Variants in ERAP1 observed in about 807,000 individuals in gnomAD.
ERAP1 encodes the protein endoplasmic reticulum aminopeptidase 1.
Under a neutral mutation model 103.7 loss-of-function variants are expected in ERAP1, and 86 were observed. That is an observed-to-expected ratio of 0.83 (90% CI 0.70 to 0.99). ERAP1 has a LOEUF of 0.99. Ranked by LOEUF, ERAP1 falls within the 50% of genes least tolerant of loss-of-function variation. The pLI is 0.00. For missense variants in ERAP1, 1,009 were observed against 1,128.4 expected (o/e 0.89, Z 1.52); for synonymous variants, 398 against 402.4 (o/e 0.99, Z 0.13).
At position 96,797,255 on chromosome 5, in the gene ERAP1, C is replaced by T. The variant is rs1431724537; in HGVS notation, c.718G>A (p.Val240Met). The T allele has an allele frequency of 1.2e-5, 20 of 1,614,064 alleles. No individual in the cohort carries two copies. The highest frequency in any genetic ancestry group is 1.6e-5 in the Non-Finnish European group (19 of 1,180,018). The part of the protein sequence containing the change: ...GLIEDHFDVT[V>M]KMSTYLVAFI... ...GCCACCAGATAGGTGCTCATCTTCACAGTGACATCAAAATGGTCTTCTATG... is the reference window on the plus strand; with the variant it reads ...GCCACCAGATAGGTGCTCATCTTCATAGTGACATCAAAATGGTCTTCTATG... The change falls in exon 4 of 19, where the codon GTG (valine) becomes ATG (methionine). Residue 240 changes from valine (V) to methionine (M), a missense_variant. By Grantham distance (21) the Val-to-Met change is conservative (BLOSUM62 1). Transcript: ENST00000443439.
the ERAP1 span, among the ~76,000 whole-genome samples, chr5:96,840,910 T>C: frequency 6.6e-6 from 1 of 152,060 alleles, no homozygotes; most frequent in Non-Finnish European, 1.5e-5. Flanking sequence ...TTCACCATGT[T>C]GGCCAGGATG....
At chr5:96,899,008 T>C in the ERAP1 span, among the ~76,000 whole-genome samples, 3 of 152,086 alleles carry the variant, frequency 2.0e-5, no homozygotes, top group African/African-American at 7.2e-5. Context: ...ATACTGGCAG[T>C]AGAGGGTGGG....
chr5:96,838,558 G>T, the ERAP1 span, among the ~76,000 whole-genome samples: 1 of 151,976 alleles, frequency 6.6e-6, no homozygotes, highest in Admixed American at 6.5e-5. Flanking sequence ...TGTAGATAAA[G>T]TTGCCCAGTT....
At chr5:96,920,676 A>G in the ERAP1 span, among the ~76,000 whole-genome samples, 1 of 152,188 alleles carries the variant, frequency 6.6e-6, no homozygotes, top group African/African-American at 2.4e-5. Context: ...TCTTTCATCC[A>G]TGTAACCACG....
chr5:96,891,914 A>G, the ERAP1 span, among the ~76,000 whole-genome samples: 1 of 152,198 alleles, frequency 6.6e-6, no homozygotes, highest in Non-Finnish European at 1.5e-5. Context: ...AATCTCAAAC[A>G]TATTAGAAAT....
chr5:96,927,655 T>G, the ERAP1 span, among the ~76,000 whole-genome samples: 1 of 152,026 alleles, frequency 6.6e-6, no homozygotes, highest in African/African-American at 2.4e-5. Flanking sequence ...CCTGGCTAAT[T>G]TTTTGTATTT....
the ERAP1 span, among the ~76,000 whole-genome samples, chr5:96,923,504 C>T: frequency 3.9e-5 from 6 of 152,088 alleles, no homozygotes; most frequent in African/African-American, 1.2e-4. Context: ...ACCATCCTGG[C>T]TAACACGGTG....
At chr5:96,886,830 G>A in the ERAP1 span, 5 of 1,358,444 alleles carry the variant, frequency 3.7e-6, no homozygotes, top group Non-Finnish European at 2.9e-6. Context: ...GCAGAAAAGT[G>A]TCCTGAGAGC....
intron 3 of ERAP1, among the ~76,000 whole-genome samples, chr5:96,797,966 T>C (rs1777529480): frequency 6.6e-6 from 1 of 152,180 alleles, no homozygotes; most frequent in South Asian, 2.1e-4. Flanking sequence ...CTGTTGAGCA[T>C]ATACGCAACG....
chr5:96,927,628 A>G, the ERAP1 span, among the ~76,000 whole-genome samples: 4 of 152,026 alleles, frequency 2.6e-5, no homozygotes, highest in Non-Finnish European at 5.9e-5. Flanking sequence ...CTGGGACTAC[A>G]GGCGCCCGCC....
rs1466645961 is a variant in ERAP1, at chr5:96,774,549, T to C, written c.*1847A>G. 1.0e-6 allele frequency: 1 copy of C among 985,836 alleles called. No homozygotes were observed. Among genetic ancestry groups the C allele is most frequent in the Non-Finnish European group, 1.2e-6 (1 of 829,870 alleles). 61.1% of individuals were successfully genotyped at this position (985,836 alleles called of 1,614,324 possible). A position where few individuals can be genotyped will look rare whatever the true frequency, so the allele number is the denominator to read the frequency against. On this transcript the variant is annotated 3_prime_UTR_variant, in exon 19 of 19. Coordinates refer to ENST00000443439, the MANE Select transcript of ERAP1 (RefSeq NM_001040458.3). Reference sequence around the variant, plus strand: ...TGCACATTGTTGTGGCAATATTGTATCTGTTTAGAAAATGGGCTTTTCCAA... The same window carrying C: ...TGCACATTGTTGTGGCAATATTGTACCTGTTTAGAAAATGGGCTTTTCCAA...
the ERAP1 span, among the ~76,000 whole-genome samples, chr5:96,851,905 A>T: frequency 1.3e-5 from 2 of 152,194 alleles, no homozygotes; most frequent in Non-Finnish European, 2.9e-5. Flanking sequence ...AAAAGGAAAA[A>T]AACAGGCAGA....
chr5:96,845,478 G>A, the ERAP1 span, among the ~76,000 whole-genome samples: 116 of 152,220 alleles, frequency 7.6e-4, 1 homozygote, highest in East Asian at 0.019. Flanking sequence ...CAAGTGATCT[G>A]CCCACCTTGG....
chr5:96,801,008 T>C lies in ERAP1; in HGVS notation c.525-8A>G. ...TGTGTTGATGCTAGTATCCTAAAAT[T>C]AAGGCAAGTGAAATAAAAATTGAGC... On this transcript the variant is annotated splice_region_variant and splice_polypyrimidine_tract_variant and intron_variant, in intron 2 of 18. Transcript: ENST00000443439. 2 of 1,613,826 alleles carry C rather than the reference T, an allele frequency of 1.2e-6. No homozygotes were observed. Among genetic ancestry groups the C allele is most frequent in the Non-Finnish European group, 1.7e-6 (2 of 1,179,996 alleles).
rs1232687636 is a variant in ERAP1, at chr5:96,767,391, C to A, written c.2819-4163G>T. The A allele has an allele frequency of 5.3e-6, 8 of 1,512,848 alleles. No individual in the cohort carries two copies. In the South Asian group the frequency reaches 7.9e-5, roughly 15 times the overall value. The allele number at this position is 1,512,848 out of a possible 1,614,324, so 93.7% of individuals were successfully genotyped here. On this transcript the variant is annotated intron_variant, in intron 19 of 19. Coordinates refer to the ERAP1 transcript ENST00000296754. ...TCTCTACTGCCTAAACCTAAGTAAA[C>A]CTTTACAGATATCTATGCTTAACCA...
At chr5:96,801,064 T>C (rs1777936121) in intron 2 of ERAP1, 64 bp from the exon 3 acceptor site, 1 of 1,571,966 alleles carries the variant, frequency 6.4e-7, no homozygotes, top group South Asian at 1.1e-5. Context: ...AAACAGGTGT[T>C]TGCTTTTTAA....
chr5:96,818,347 G>A, the ERAP1 span, among the ~76,000 whole-genome samples: 2 of 151,796 alleles, frequency 1.3e-5, no homozygotes, highest in African/African-American at 4.8e-5. Flanking sequence ...TCTGGCCACC[G>A]CGATGAGGCC....
At chr5:96,891,167 T>C in the ERAP1 span, among the ~76,000 whole-genome samples, 1 of 152,146 alleles carries the variant, frequency 6.6e-6, no homozygotes, top group Non-Finnish European at 1.5e-5. Flanking sequence ...ACAATGTAAT[T>C]ATAAGCCAAG....
the ERAP1 span, chr5:96,909,218 G>A: frequency 8.7e-7 from 1 of 1,150,298 alleles, no homozygotes; most frequent in Non-Finnish European, 1.3e-6. Flanking sequence ...GTTAAATCTG[G>A]AGCAGCTCGG....
Sources: gnomAD v4.1 joint callset for allele counts (sites outside exome capture counted in the v4.1 genomes callset) on GRCh38, gnomAD v4.1.1 for gene constraint, MANE v1.5 for transcripts, NCBI Gene and HGNC (gene_info 2026-07-23, HGNC 2026-07-21) for gene names.